NDUFS4: variants seen among roughly 807,000 people sequenced by gnomAD.
NDUFS4 encodes the protein NADH dehydrogenase [ubiquinone] iron-sulfur protein 4, mitochondrial.
Under a neutral mutation model 24.3 loss-of-function variants are expected in NDUFS4, and 28 were observed. The ratio of observed to expected loss-of-function variants is 1.15; its 90% CI spans 0.85 to 1.58. The LOEUF (loss-of-function observed/expected upper bound fraction) is 1.58, where lower values mean the gene tolerates loss of function less well. NDUFS4 is among the 40% of genes most tolerant of loss of function. The probability of loss-of-function intolerance (pLI) is 0.00; values close to 1 mark genes in which losing one functional copy is unlikely to be tolerated. For synonymous variants in NDUFS4, 93 were observed against 69.7 expected (o/e 1.34, Z -1.67); for missense variants, 223 against 207.9 (o/e 1.07, Z -0.45).
Position 53,567,665 on chromosome 5 carries a change from C to T in NDUFS4, c.98+6905C>T, listed in dbSNP as rs138487572. 5.8e-4 allele frequency among the ~76,000 whole-genome samples: 88 copies of T among 152,016 alleles called. 1 individual carries two copies. Among genetic ancestry groups the T allele is most frequent in the Middle Eastern group, 3.4e-3 (1 of 294 alleles). The stretch of plus-strand genomic sequence containing the variant: ...GTGTCTGCTATGCTTTCTGAGTTCT[C>T]GTGTCTGCTTTTTAATAGTGTTATA... On this transcript the variant is annotated intron_variant, in intron 1 of 4. Coordinates refer to ENST00000296684, the MANE Select transcript of NDUFS4 (RefSeq NM_002495.4).
intron 2 of NDUFS4, among the ~76,000 whole-genome samples, chr5:53,617,658 C>A (rs988904616): frequency 6.6e-6 from 1 of 152,168 alleles, no homozygotes; most frequent in South Asian, 2.1e-4. Context: ...GTGGGAGAGA[C>A]AAAAGGTGCC....
At chr5:53,666,657 T>G (rs1285341927) in intron 4 of NDUFS4, among the ~76,000 whole-genome samples, 1 of 150,482 alleles carries the variant, frequency 6.6e-6, no homozygotes, top group East Asian at 1.9e-4. Context: ...TTTCTCTGAC[T>G]GGGCACAGTG....
At chr5:53,653,500 G>A (rs1387706069) in intron 3 of NDUFS4, among the ~76,000 whole-genome samples, 1 of 152,068 alleles carries the variant, frequency 6.6e-6, no homozygotes, top group Non-Finnish European at 1.5e-5. Context: ...TAAGAATTCT[G>A]TCTACTTTTC....
intron 4 of NDUFS4, among the ~76,000 whole-genome samples, chr5:53,662,731 T>C (rs1752383260): frequency 6.6e-6 from 1 of 152,146 alleles, no homozygotes; most frequent in Non-Finnish European, 1.5e-5. Context: ...TGGGAGGGTG[T>C]ATATGTCCAG....
chr5:53,679,347 T>C (rs1740576786), intron 4 of NDUFS4, among the ~76,000 whole-genome samples: 2 of 152,148 alleles, frequency 1.3e-5, no homozygotes, highest in Admixed American at 1.3e-4. Context: ...CTGTGTATTT[T>C]TGTTTGTTTT....
chr5:53,604,665 T>C (rs1750440358), intron 2 of NDUFS4: 1 of 440,216 alleles, frequency 2.3e-6, no homozygotes, highest in Admixed American at 2.4e-5. Flanking sequence ...GAGTAAACAC[T>C]AAAATCCTAA....
chr5:53,566,205 A>G (rs1749020615), intron 1 of NDUFS4, among the ~76,000 whole-genome samples: 1 of 152,188 alleles, frequency 6.6e-6, no homozygotes, highest in Non-Finnish European at 1.5e-5. Context: ...TAAGGGAGAA[A>G]GATGGAGCAA....
intron 1 of NDUFS4, 126 bp from the exon 2 acceptor site, chr5:53,603,326 C>G: frequency 1.4e-6 from 1 of 706,766 alleles, no homozygotes. Flanking sequence ...TCTTCTCTTT[C>G]TTTCCTTTCC....
At chr5:53,580,663 C>CGAGA (rs1749530662) in intron 1 of NDUFS4, among the ~76,000 whole-genome samples, 1 of 146,592 alleles carries the variant, frequency 6.8e-6, no homozygotes, top group African/African-American at 2.5e-5. Flanking sequence ...CTTTCTTTCT[C>CGAGA]TCTCTTTCTT....
chr5:53,668,738 G>A (rs1317142344), intron 4 of NDUFS4, among the ~76,000 whole-genome samples: 1 of 151,764 alleles, frequency 6.6e-6, no homozygotes, highest in African/African-American at 2.4e-5. Flanking sequence ...TGCAATTACA[G>A]GTGTAAGCCA....
intron 2 of NDUFS4, among the ~76,000 whole-genome samples, chr5:53,624,333 T>G (rs2607476): frequency 6.6e-6 from 1 of 151,984 alleles, no homozygotes; most frequent in Non-Finnish European, 1.5e-5. Flanking sequence ...AAACAAAGAT[T>G]TCACGTGAAT....
chr5:53,621,686 G>C (rs903453728), intron 2 of NDUFS4, among the ~76,000 whole-genome samples: 4 of 133,868 alleles, frequency 3.0e-5, no homozygotes, highest in African/African-American at 1.1e-4. Flanking sequence ...AAACCTCATA[G>C]TAAATTTTTT....
chr5:53,577,502 T>G (rs898569457), intron 1 of NDUFS4, among the ~76,000 whole-genome samples: 1 of 151,360 alleles, frequency 6.6e-6, no homozygotes, highest in Non-Finnish European at 1.5e-5. Context: ...TTTTTGGTCC[T>G]AGTAAGGGGT....
intron 1 of NDUFS4, among the ~76,000 whole-genome samples, chr5:53,597,061 T>C (rs893465052): frequency 6.6e-6 from 1 of 152,142 alleles, no homozygotes; most frequent in Non-Finnish European, 1.5e-5. Context: ...GCCAGGGAAG[T>C]TTGTCTGCTC....
At chr5:53,573,145 T>G (rs528892256) in intron 1 of NDUFS4, among the ~76,000 whole-genome samples, 1 of 151,748 alleles carries the variant, frequency 6.6e-6, no homozygotes, top group Non-Finnish European at 1.5e-5. Flanking sequence ...CTAATTTTTA[T>G]ATTTTTTTTG....
Position 53,650,802 on chromosome 5 carries a change from C to T in NDUFS4, c.350+4397C>T, listed in dbSNP as rs1751994116. Among the ~76,000 whole-genome samples, 3 of 152,200 alleles carry T rather than the reference C, an allele frequency of 2.0e-5. No individual in the cohort carries two copies. In the South Asian group the frequency reaches 6.2e-4, roughly 31 times the overall value. ...CATTAGTGGATTGTTTAAATAAATA[C>T]AGTTTTACTTTGCTGTGCTTGCACA... On this transcript the variant is annotated intron_variant, in intron 3 of 4. Transcript: ENST00000296684.
intron 4 of NDUFS4, among the ~76,000 whole-genome samples, chr5:53,663,258 G>A (rs530236570): frequency 9.9e-5 from 15 of 152,210 alleles, no homozygotes; most frequent in African/African-American, 3.6e-4. Flanking sequence ...CAACTGTGTG[G>A]TCAATTTTGG....
chr5:53,628,678 G>T (rs1340795233), intron 2 of NDUFS4, among the ~76,000 whole-genome samples: 1 of 152,156 alleles, frequency 6.6e-6, no homozygotes, highest in African/African-American at 2.4e-5. Context: ...GTTGTCTATA[G>T]TATTCTCTGA....
intron 1 of NDUFS4, among the ~76,000 whole-genome samples, chr5:53,582,236 AAAATAAAATT>A (rs1554054136): frequency 3.9e-5 from 5 of 128,428 alleles, no homozygotes; most frequent in African/African-American, 1.4e-4. Context: ...AAAATAAAAT[AAAATAAAATT>A]AAATTAAAAT....
Sources: gnomAD v4.1 joint callset for allele counts (sites outside exome capture counted in the v4.1 genomes callset) on GRCh38, gnomAD v4.1.1 for gene constraint, MANE v1.5 for transcripts, NCBI Gene and HGNC (gene_info 2026-07-23, HGNC 2026-07-21) for gene names.